CDKL5: variants seen among roughly 807,000 people sequenced by gnomAD.
The protein encoded by CDKL5 is cyclin dependent kinase like 5.
A neutral mutation model predicts 61.7 loss-of-function variants in CDKL5; 8 were observed. The ratio of observed to expected loss-of-function variants is 0.13; its 90% CI spans 0.08 to 0.23. CDKL5 has a LOEUF of 0.23. CDKL5 is among the 10% of genes least tolerant of loss of function. CDKL5 has a pLI of 1.00. For synonymous variants in CDKL5, 275 were observed against 272.3 expected, an observed-to-expected ratio of 1.01 and a Z score of -0.10; for missense variants, 440 against 734.5, an observed-to-expected ratio of 0.60 and a Z score of 4.63.
intron 2 of CDKL5, among the ~76,000 whole-genome samples, chrX:18,508,459 G>A (rs1922665552): frequency 9.0e-6 from 1 of 111,494 alleles, no homozygotes; most frequent in Non-Finnish European, 1.9e-5. Context: ...TCAGTGTCTT[G>A]CTTACCATCT....
intron 3 of CDKL5, among the ~76,000 whole-genome samples, chrX:18,555,831 G>A (rs1261466322): frequency 1.8e-5 from 2 of 112,286 alleles, no homozygotes; most frequent in African/African-American, 3.2e-5. Flanking sequence ...ATAAACATTT[G>A]TTAGTTGACT....
intron 9 of CDKL5, among the ~76,000 whole-genome samples, chrX:18,594,154 G>A (rs1925916537): frequency 8.9e-6 from 1 of 111,964 alleles, no homozygotes; most frequent in Non-Finnish European, 1.9e-5. Flanking sequence ...TACTTATTTA[G>A]CATGTTTAGG....
intron 5 of CDKL5, among the ~76,000 whole-genome samples, chrX:18,576,042 A>G (rs963733218): frequency 3.2e-4 from 36 of 112,467 alleles, no homozygotes; most frequent in Non-Finnish European, 9.4e-5. Flanking sequence ...CTTAGCTTGT[A>G]TTAAAAAATG....
chrX:18,587,909 T>G (rs763212886), intron 8 of CDKL5, 45 bp from the exon 9 acceptor site: 1 of 1,102,706 alleles, frequency 9.1e-7, no homozygotes. Flanking sequence ...ATCAAAACAT[T>G]ATATTTTTTC....
At chrX:18,647,340 A>G (rs1423184845) in intron 20 of CDKL5, 1 of 1,209,958 alleles carries the variant, frequency 8.3e-7, no homozygotes, top group Non-Finnish European at 1.1e-6. Context: ...ATTCTGGGAA[A>G]GGAAAAAGAA....
intron 3 of CDKL5, among the ~76,000 whole-genome samples, chrX:18,534,680 G>T (rs1923758924): frequency 8.9e-6 from 1 of 112,106 alleles, no homozygotes; most frequent in South Asian, 3.7e-4. Flanking sequence ...CAGTGTGTAA[G>T]TATGAATTGT....
chrX:18,437,471 C>T (rs1186952473), intron 1 of CDKL5, among the ~76,000 whole-genome samples: 2 of 112,135 alleles, frequency 1.8e-5, no homozygotes, highest in African/African-American at 6.5e-5. Flanking sequence ...AATGTTTTAA[C>T]GAAATGTTTC....
downstream of CDKL5, chrX:18,644,651 A>G (rs751121023): frequency 8.3e-7 from 1 of 1,197,619 alleles, no homozygotes; most frequent in East Asian, 3.0e-5. Context: ...CGAGTCACCG[A>G]GAGACTCCCC....
At chrX:18,564,545 A>C in intron 4 of CDKL5, 23 bp downstream of exon 4, 1 of 567,828 alleles carries the variant, frequency 1.8e-6, no homozygotes, top group Non-Finnish European at 2.5e-6. Context: ...ATATATATAT[A>C]TATATCTGTA....
At position 18,546,406 on chromosome X, in the gene CDKL5, C is replaced by T. The variant is rs755090721; in HGVS notation, c.100-18071C>T. On this transcript the variant is annotated intron_variant, in intron 3 of 17. Transcript: ENST00000623535. ...CCTCCCTAGTAGCTGGGATTACAGG[C>T]GCCCGCCACCACACCTGGCTAATTT... 2.7e-4 allele frequency among the ~76,000 whole-genome samples: 29 copies of T among 108,647 alleles called. 2 individuals carry two copies. In the South Asian group the frequency reaches 0.011, roughly 43 times the overall value. The allele number at this position is 108,647 out of a possible 115,157, so 94.3% of individuals were successfully genotyped here.
At chrX:18,591,105 CCT>C (rs1298235616) in intron 9 of CDKL5, among the ~76,000 whole-genome samples, 1 of 111,132 alleles carries the variant, frequency 9.0e-6, no homozygotes, top group East Asian at 2.8e-4. Context: ...TCAAAGAGTG[CCT>C]CTTTCTCTGG....
At chrX:18,600,498 G>A (rs187564951) in intron 11 of CDKL5, among the ~76,000 whole-genome samples, 329 of 111,815 alleles carry the variant, frequency 2.9e-3, no homozygotes, top group Non-Finnish European at 4.8e-3. Context: ...AGTTTACACC[G>A]AAAAATTATC....
intron 4 of CDKL5, among the ~76,000 whole-genome samples, chrX:18,574,823 G>A (rs1209651282): frequency 2.7e-5 from 3 of 112,018 alleles, no homozygotes; most frequent in Non-Finnish European, 5.6e-5. Context: ...CATGACCTCT[G>A]CTCCCTGAGG....
At chrX:18,493,890 A>G (rs1922074020) in intron 1 of CDKL5, among the ~76,000 whole-genome samples, 1 of 112,348 alleles carries the variant, frequency 8.9e-6, no homozygotes, top group South Asian at 3.7e-4. Context: ...CTGAAATAGT[A>G]CAGTTTTAGT....
chrX:18,649,309 C>T (rs1041420255), intron 20 of CDKL5, among the ~76,000 whole-genome samples: 1 of 111,401 alleles, frequency 9.0e-6, no homozygotes. Flanking sequence ...AGTCATAGCT[C>T]TCTGCAACTC....
intron 21 of CDKL5, among the ~76,000 whole-genome samples, chrX:18,652,149 A>G (rs938050981): frequency 2.7e-5 from 3 of 110,277 alleles, no homozygotes; most frequent in Admixed American, 9.7e-5. Flanking sequence ...GGTGCTGGGC[A>G]CTCTCTAGGT....
At chrX:18,441,558 G>A (rs747945108) in intron 1 of CDKL5, among the ~76,000 whole-genome samples, 2 of 111,523 alleles carry the variant, frequency 1.8e-5, no homozygotes, top group African/African-American at 6.5e-5. Flanking sequence ...GTGGTGGGGG[G>A]GCTTAGAAGC....
rs949836403 is a variant in CDKL5 at position 18,638,903 on chromosome X, T to C, written c.*10146T>C. On this transcript the variant is annotated 3_prime_UTR_variant, in exon 18 of 18. Coordinates refer to ENST00000623535, the MANE Select transcript of CDKL5 (RefSeq NM_001323289.2). ...ACCCTCTCACATTTATGGTCAATTG[T>C]TTTTTGACAAGGGTGCCAAGATCAT... 7.1e-5 allele frequency among the ~76,000 whole-genome samples: 8 copies of C among 112,196 alleles called. No individual in the cohort carries two copies. Among genetic ancestry groups the C allele is most frequent in the Middle Eastern group, 9.1e-3 (2 of 219 alleles).
At chrX:18,650,557 G>C (rs1927987919) in exon 21 of CDKL5, 1 of 1,210,903 alleles carries the variant, frequency 8.3e-7, no homozygotes, top group Non-Finnish European at 1.1e-6. Flanking sequence ...CAGGTCCGAG[G>C]CACTGATGCT....
Sources: gnomAD v4.1 joint callset for allele counts (sites outside exome capture counted in the v4.1 genomes callset) on GRCh38, gnomAD v4.1.1 for gene constraint, MANE v1.5 for transcripts, NCBI Gene and HGNC (gene_info 2026-07-23, HGNC 2026-07-21) for gene names.